Variants in DYNLT3 observed in about 807,000 individuals in gnomAD.
The protein encoded by DYNLT3 is protein 91/23.
Under a neutral mutation model 11.0 loss-of-function variants are expected in DYNLT3, and 4 were observed. The ratio of observed to expected loss-of-function variants is 0.36; its 90% CI spans 0.18 to 0.83. The LOEUF (loss-of-function observed/expected upper bound fraction) is 0.83, where lower values mean the gene tolerates loss of function less well. Ranked by LOEUF, DYNLT3 falls within the 40% of genes least tolerant of loss-of-function variation. The pLI is 0.47. For missense variants in DYNLT3, 91 were observed against 91.1 expected (o/e 1.00, Z 0.01); for synonymous variants, 37 against 31.2 (o/e 1.18, Z -0.61).
At position 37,839,613 on chromosome X, in the gene DYNLT3, A is replaced by T. The variant is rs1027631373; in HGVS notation, c.*962T>A. 8.9e-6 allele frequency: 1 copy of T among 112,611 alleles called. No homozygotes were observed. The highest frequency in any genetic ancestry group is 1.9e-5 in the Non-Finnish European group (1 of 53,209). The allele number at this position is 112,611 out of a possible 1,213,427, so 9.3% of individuals were successfully genotyped here. On this transcript the variant is annotated 3_prime_UTR_variant, in exon 5 of 5. Transcript: ENST00000378578. ...TGCTAGGAGCAACTCTTAAAATTAC[A>T]TCTATAATTCTGTCAGAAAGCAATA...
At position 37,840,111 on chromosome X, in the gene DYNLT3, C is replaced by CTAAG. The variant is rs55685512; in HGVS notation, c.*463_*464insCTTA. ...ACTTTCCACTAAATATTAAGTACAACTGAGGGGAAGAAAGTTTAAAAAAAC... is the reference window on the plus strand; with the variant it reads ...ACTTTCCACTAAATATTAAGTACAACTAAGTGAGGGGAAGAAAGTTTAAAAAAAC... On this transcript the variant is annotated 3_prime_UTR_variant, in exon 5 of 5. Transcript: ENST00000378578. 37,958 of 110,364 alleles carry CTAAG rather than the reference C, an allele frequency of 0.34. 6,014 individuals carry two copies. Among genetic ancestry groups the CTAAG allele is most frequent in the African/African-American group, 0.63 (19,062 of 30,319 alleles). 9.1% of individuals were successfully genotyped at this position (110,364 alleles called of 1,213,427 possible).
Position 37,839,442 on chromosome X carries a change from C to T in DYNLT3, c.*1133G>A, listed in dbSNP as rs1397966962. The T allele has an allele frequency of 1.8e-5, 2 of 112,191 alleles. No homozygotes were observed. Among genetic ancestry groups the T allele is most frequent in the East Asian group, 5.5e-4 (2 of 3,617 alleles). The allele number at this position is 112,191 out of a possible 1,213,427, so 9.2% of individuals were successfully genotyped here. A position where few individuals can be genotyped will look rare whatever the true frequency, so the allele number is the denominator to read the frequency against. ...TACTTTTAATCTATACTTTATTCCA[C>T]TCAATTTGAACCCCACATAATAAGT... On this transcript the variant is annotated 3_prime_UTR_variant, in exon 5 of 5. Transcript: ENST00000378578.
At chrX:37,840,717 T>G (rs1930126759) in intron 4 of DYNLT3, 66 bp from the exon 5 acceptor site, 1 of 653,917 alleles carries the variant, frequency 1.5e-6, no homozygotes, top group East Asian at 3.7e-5. Context: ...AATATATATA[T>G]ATATATACAC....
chrX:37,841,189 C>G, intron 3 of DYNLT3, 84 bp from the exon 4 acceptor site: 2 of 777,354 alleles, frequency 2.6e-6, no homozygotes, highest in African/African-American at 2.1e-5. Context: ...CAGAGCTCTA[C>G]AAGCCGAAAA....
intron 2 of DYNLT3, among the ~76,000 whole-genome samples, chrX:37,844,070 C>T (rs1447310729): frequency 2.7e-5 from 3 of 111,668 alleles, no homozygotes; most frequent in Admixed American, 9.5e-5. Flanking sequence ...CATAATGCAT[C>T]AGAGTTTGTT....
Position 37,841,013 on chromosome X carries a change from C to G in DYNLT3, c.274+15G>C, listed in dbSNP as rs781056190. On this transcript the variant is annotated intron_variant, in intron 4 of 4. Coordinates refer to ENST00000378578, the MANE Select transcript of DYNLT3 (RefSeq NM_006520.3). The stretch of plus-strand genomic sequence containing the variant: ...AAAAGTTGGATTTTGTGTAAATCAG[C>G]TTAAGATCTCTTACCATCAGATGTG... 1 of 1,207,505 alleles carries G rather than the reference C, an allele frequency of 8.3e-7. No homozygotes were observed. The highest frequency in any genetic ancestry group is 1.8e-5 in the South Asian group (1 of 56,380).
intron 2 of DYNLT3, among the ~76,000 whole-genome samples, chrX:37,842,136 C>T (rs1306795428): frequency 9.0e-6 from 1 of 110,976 alleles, no homozygotes; most frequent in African/African-American, 3.3e-5. Flanking sequence ...ATACTATGGG[C>T]CATATAAAGA....
intron 2 of DYNLT3, among the ~76,000 whole-genome samples, 187 bp from the exon 3 acceptor site, chrX:37,842,092 A>G (rs991188664): frequency 1.8e-5 from 2 of 112,111 alleles, no homozygotes; most frequent in African/African-American, 6.5e-5. Flanking sequence ...AGAGTTTTGA[A>G]AGAGTTTCCA....
At chrX:37,843,446 A>C (rs763302153) in intron 2 of DYNLT3, among the ~76,000 whole-genome samples, 1 of 112,353 alleles carries the variant, frequency 8.9e-6, no homozygotes, top group South Asian at 3.7e-4. Context: ...ATCTAGCCTA[A>C]TTAATTACAT....
At chrX:37,847,441 C>T (rs1233417214) in intron 1 of DYNLT3, 40 bp downstream of exon 1, 12 of 1,001,343 alleles carry the variant, frequency 1.2e-5, no homozygotes, top group Non-Finnish European at 1.5e-5. Context: ...CAGAGGAAGG[C>T]GGGAGTGGGG....
intron 2 of DYNLT3, 139 bp downstream of exon 2, chrX:37,846,178 A>G: frequency 1.5e-6 from 1 of 647,198 alleles, no homozygotes; most frequent in Non-Finnish European, 2.3e-6. Flanking sequence ...CTCAAAAAAC[A>G]ATAAAATAAA....
At position 37,847,240 on chromosome X, in the gene DYNLT3, C is replaced by T. The variant is rs1386822720; in HGVS notation, c.30+241G>A. On this transcript the variant is annotated intron_variant, in intron 1 of 4. Transcript: ENST00000378578. ...TCAGGCCTCGTCCTCCCAACCCTGC[C>T]CCGACCCCACCGTCTGATCCGCGCG... 4 of 959,644 alleles carry T rather than the reference C, an allele frequency of 4.2e-6. No individual in the cohort carries two copies. The African/African-American group carries it at 6.0e-5, about 14-fold the overall frequency. The allele number at this position is 959,644 out of a possible 1,213,427, so 79.1% of individuals were successfully genotyped here.
chrX:37,846,273 C>T, intron 2 of DYNLT3, 44 bp downstream of exon 2: 1 of 1,173,243 alleles, frequency 8.5e-7, no homozygotes, highest in Non-Finnish European at 1.2e-6. Context: ...TAAAAATCTC[C>T]ACCAGTGCAG....
Position 37,847,516 on chromosome X carries a change from C to T in DYNLT3, c.-6G>A, listed in dbSNP as rs1930291085. On this transcript the variant is annotated 5_prime_UTR_variant, in exon 1 of 5. Transcript: ENST00000378578. ...TGGCGATGGTACTCCTCCATGGTAG[C>T]GCCGGCTCTCCCTGGGGCGGAGCGA... 4 of 974,165 alleles carry T rather than the reference C, an allele frequency of 4.1e-6. No individual in the cohort carries two copies. The highest frequency in any genetic ancestry group is 5.2e-6 in the Non-Finnish European group (4 of 772,532). The allele number at this position is 974,165 out of a possible 1,213,427, so 80.3% of individuals were successfully genotyped here.
rs760174358 is a variant in DYNLT3 at position 37,841,322 on chromosome X, G to A, written c.197-217C>T. On this transcript the variant is annotated intron_variant, in intron 3 of 4. Coordinates refer to ENST00000378578, the MANE Select transcript of DYNLT3 (RefSeq NM_006520.3). ...CATGATTTTGACCCCACTGGATTCA[G>A]TTGGTTTTCTGACCATTGTCATTAC... Among the ~76,000 whole-genome samples, 3 of 112,356 alleles carry A rather than the reference G, an allele frequency of 2.7e-5. No individual in the cohort carries two copies. The Admixed American group carries it at 2.8e-4, about 11-fold the overall frequency.
intron 2 of DYNLT3, 113 bp from the exon 3 acceptor site, chrX:37,842,018 A>C: frequency 1.0e-5 from 7 of 700,910 alleles, no homozygotes; most frequent in African/African-American, 2.2e-5. Flanking sequence ...CTTATAGCTC[A>C]ATAAGGCATC....
chrX:37,846,992 A>T, intron 1 of DYNLT3: 1 of 1,165,350 alleles, frequency 8.6e-7, no homozygotes, highest in Non-Finnish European at 1.1e-6. Context: ...TCAGTAAGCA[A>T]GGGCTCGTAA....
At chrX:37,843,213 G>C (rs1056974655) in intron 2 of DYNLT3, among the ~76,000 whole-genome samples, 1 of 112,477 alleles carries the variant, frequency 8.9e-6, no homozygotes, top group Non-Finnish European at 1.9e-5. Flanking sequence ...TTAAGGATCA[G>C]GGGAATAGAA....
At chrX:37,845,882 T>C (rs1321159945) in intron 2 of DYNLT3, among the ~76,000 whole-genome samples, 1 of 112,390 alleles carries the variant, frequency 8.9e-6, no homozygotes, top group Non-Finnish European at 1.9e-5. Context: ...TTTAAAATCT[T>C]GTTCTTGGCC....
Sources: allele counts gnomAD v4.1 joint callset (sites outside exome capture counted in the v4.1 genomes callset), GRCh38; gene constraint gnomAD v4.1.1; transcripts MANE v1.5; gene names NCBI Gene and HGNC (gene_info 2026-07-23, HGNC 2026-07-21).